The following KIAA1217 variants were observed in gnomAD, a reference collection of about 807,000 sequenced individuals.
KIAA1217 encodes the protein sickle tail protein homolog.
In KIAA1217, 88 loss-of-function variants were observed where a neutral mutation model predicts 163.9. That is an observed-to-expected ratio of 0.54 (90% CI 0.45 to 0.64). The LOEUF (loss-of-function observed/expected upper bound fraction) is 0.64, where lower values mean the gene tolerates loss of function less well. KIAA1217 is among the 30% of genes least tolerant of loss of function. The pLI, the probability that KIAA1217 is intolerant of heterozygous loss-of-function variation, is 0.00. For synonymous variants in KIAA1217, 903 were observed against 923.1 expected (o/e 0.98, Z 0.39); for missense variants, 2,372 against 2,475.0 (o/e 0.96, Z 0.88).
At chr10:24,510,149 G>A (rs891916310) in intron 9 of KIAA1217, among the ~76,000 whole-genome samples, 45 of 152,070 alleles carry the variant, frequency 3.0e-4, no homozygotes, top group African/African-American at 1.1e-3. Context: ...GGGGTGGTGG[G>A]GAAATTGATG....
At chr10:24,276,474 C>T (rs1246870677) in intron 2 of KIAA1217, among the ~76,000 whole-genome samples, 1 of 152,196 alleles carries the variant, frequency 6.6e-6, no homozygotes, top group African/African-American at 2.4e-5. Flanking sequence ...GAGACAGGGT[C>T]TCGCTTTGTC....
intron 1 of KIAA1217, among the ~76,000 whole-genome samples, chr10:23,955,487 T>C (rs1844520275): frequency 6.6e-6 from 1 of 152,206 alleles, no homozygotes; most frequent in Non-Finnish European, 1.5e-5. Context: ...CATCTCACCC[T>C]TATATTGTCT....
intron 1 of KIAA1217, among the ~76,000 whole-genome samples, chr10:23,824,757 A>C (rs1310072368): frequency 1.3e-5 from 2 of 150,038 alleles, no homozygotes; most frequent in East Asian, 3.9e-4. Context: ...AGGGCTTTAA[A>C]GTGAAGGTTA....
intron 8 of KIAA1217, among the ~76,000 whole-genome samples, chr10:24,499,121 C>T (rs2067188176): frequency 6.6e-6 from 1 of 152,080 alleles, no homozygotes; most frequent in African/African-American, 2.4e-5. Flanking sequence ...GCGCCTATCC[C>T]TCAAAGAGTG....
At chr10:23,922,668 G>T (rs1842890932) in intron 1 of KIAA1217, among the ~76,000 whole-genome samples, 2 of 152,196 alleles carry the variant, frequency 1.3e-5, no homozygotes, top group South Asian at 4.1e-4. Context: ...TTTGGTGTCA[G>T]AAGTGTAGTG....
intron 3 of KIAA1217, among the ~76,000 whole-genome samples, chr10:24,394,443 G>GGTTTT (rs1210744748): frequency 7.0e-6 from 1 of 143,604 alleles, no homozygotes; most frequent in East Asian, 2.1e-4. Context: ...CCCACTCTCG[G>GGTTTT]GTTTTGTTTT....
At chr10:24,465,873 T>C (rs1425559344) in intron 5 of KIAA1217, among the ~76,000 whole-genome samples, 1 of 152,200 alleles carries the variant, frequency 6.6e-6, no homozygotes, top group Non-Finnish European at 1.5e-5. Context: ...AGAAGGGCTC[T>C]GGTTTCCTTT....
intron 1 of KIAA1217, among the ~76,000 whole-genome samples, chr10:23,790,190 TAC>T (rs1489201166): frequency 4.2e-5 from 3 of 71,016 alleles, no homozygotes; most frequent in African/African-American, 1.4e-4. Context: ...TATACACATA[TAC>T]ACATATGCAT....
At chr10:24,282,992 C>T (rs115165300) in intron 2 of KIAA1217, among the ~76,000 whole-genome samples, 3,908 of 151,778 alleles carry the variant, frequency 0.026, 172 homozygotes, top group African/African-American at 0.09. Context: ...TTCCATGATG[C>T]CTGGATAATT....
intron 1 of KIAA1217, among the ~76,000 whole-genome samples, chr10:23,934,648 C>T (rs528520878): frequency 1.8e-4 from 22 of 121,608 alleles, no homozygotes; most frequent in Non-Finnish European, 2.9e-4. Flanking sequence ...GACGGAGTCT[C>T]GCTCTGTCAC....
chr10:23,938,596 T>C (rs1056043943), intron 1 of KIAA1217, among the ~76,000 whole-genome samples: 2 of 152,164 alleles, frequency 1.3e-5, no homozygotes, highest in Non-Finnish European at 2.9e-5. Flanking sequence ...TTATATACAA[T>C]GTAGCATAAC....
At chr10:23,992,317 A>G (rs561068958) in intron 1 of KIAA1217, among the ~76,000 whole-genome samples, 1 of 152,354 alleles carries the variant, frequency 6.6e-6, no homozygotes, top group South Asian at 2.1e-4. Flanking sequence ...AGAAATAGAA[A>G]TAGAAATGGT....
intron 2 of KIAA1217, chr10:24,255,464 G>A (rs754096998): frequency 2.0e-5 from 9 of 454,638 alleles, no homozygotes; most frequent in African/African-American, 1.2e-4. Flanking sequence ...AACATTAAAG[G>A]TCTGGCTGAT....
chr10:24,319,404 A>G (rs2043839053), intron 2 of KIAA1217, among the ~76,000 whole-genome samples: 1 of 142,336 alleles, frequency 7.0e-6, no homozygotes, highest in Admixed American at 7.0e-5. Flanking sequence ...AAAAAAAAAA[A>G]AGGCAGGGGA....
chr10:24,403,359 C>T (rs1451198216), intron 3 of KIAA1217, among the ~76,000 whole-genome samples: 1 of 152,162 alleles, frequency 6.6e-6, no homozygotes, highest in Non-Finnish European at 1.5e-5. Flanking sequence ...CTGCCTCAGC[C>T]TCCTGAATAG....
chr10:24,543,483 A>T lies in KIAA1217; in HGVS notation c.4213A>T (p.Ser1405Cys). The T allele has an allele frequency of 6.2e-7, 1 of 1,614,192 alleles. No individual in the cohort carries two copies. ...CAGTGGGGAGGTGCATGATATTGTT[A>T]GCCAAAAGGGAGAAGACATACAGAC... Reference protein sequence around the residue: ...LSSGEVHDIVSQKGEDIQTVN... With the variant: ...LSSGEVHDIVCQKGEDIQTVN... Residue 1405 changes from serine (S) to cysteine (C), a missense_variant, in exon 19 of 21, where the codon AGC becomes TGC. Transcript: ENST00000376454.
intron 1 of KIAA1217, among the ~76,000 whole-genome samples, chr10:23,898,311 A>G (rs1030120187): frequency 6.6e-6 from 1 of 150,760 alleles, no homozygotes; most frequent in African/African-American, 2.4e-5. Flanking sequence ...ATATACACAC[A>G]CACACACACA....
chr10:24,404,304 T>C lies in KIAA1217; in HGVS notation c.553+23237T>C, dbSNP rs1054204208. On this transcript the variant is annotated intron_variant, in intron 3 of 20. Coordinates refer to ENST00000376454, the MANE Select transcript of KIAA1217 (RefSeq NM_019590.5). Reference sequence around the variant, plus strand: ...TAAAAGTGGGCCGGGTGCGGTGGCTTATGCCTGTAATCTCAGCACTCTGGG... The same window carrying C: ...TAAAAGTGGGCCGGGTGCGGTGGCTCATGCCTGTAATCTCAGCACTCTGGG... Among the ~76,000 whole-genome samples, 9 of 152,104 alleles carry C rather than the reference T, an allele frequency of 5.9e-5. 1 individual carries two copies. The East Asian group carries it at 7.8e-4, about 13-fold the overall frequency.
chr10:23,837,935 A>T (rs1838568949), intron 1 of KIAA1217, among the ~76,000 whole-genome samples: 1 of 152,028 alleles, frequency 6.6e-6, no homozygotes, highest in South Asian at 2.1e-4. Context: ...TATTTTCGTG[A>T]ATTTCTCCCA....
Sources: allele counts gnomAD v4.1 joint callset (sites outside exome capture counted in the v4.1 genomes callset), GRCh38; gene constraint gnomAD v4.1.1; transcripts MANE v1.5; gene names NCBI Gene and HGNC (gene_info 2026-07-23, HGNC 2026-07-21).